Variants in NTM observed in about 807,000 individuals in gnomAD.
The protein encoded by NTM is IgLON family member 2.
In NTM, 13 loss-of-function variants were observed where a neutral mutation model predicts 42.1. The ratio of observed to expected loss-of-function variants is 0.31; its 90% CI spans 0.20 to 0.49. The LOEUF is 0.49. Among genes scored for constraint, NTM ranks in the 20% least tolerant of loss-of-function variants. The pLI is 0.99. For synonymous variants in NTM, 187 were observed against 179.2 expected (o/e 1.04, Z -0.35); for missense variants, 373 against 452.8 (o/e 0.82, Z 1.60).
At chr11:132,073,533 C>T (rs1185009119) in intron 2 of NTM, among the ~76,000 whole-genome samples, 6 of 152,140 alleles carry the variant, frequency 3.9e-5, no homozygotes, top group African/African-American at 1.4e-4. Context: ...AAAAAGATCA[C>T]TGAGGAATAT....
intron 1 of NTM, among the ~76,000 whole-genome samples, chr11:131,373,344 G>A (rs895879647): frequency 6.6e-6 from 1 of 152,054 alleles, no homozygotes; most frequent in African/African-American, 2.4e-5. Flanking sequence ...GTTTTAAGCT[G>A]GTTCTTCCTA....
chr11:131,789,359 A>G (rs2089802734), intron 1 of NTM, among the ~76,000 whole-genome samples: 2 of 147,192 alleles, frequency 1.4e-5, no homozygotes, highest in South Asian at 2.1e-4. Context: ...AAATAATAAT[A>G]ATAATAATAA....
intron 1 of NTM, among the ~76,000 whole-genome samples, chr11:131,441,103 G>T (rs77359811): frequency 1.5e-3 from 228 of 152,172 alleles, no homozygotes; most frequent in East Asian, 0.014. Flanking sequence ...AGTTAATCCA[G>T]TTCTTCAGGC....
intron 4 of NTM, among the ~76,000 whole-genome samples, chr11:132,305,630 C>A (rs957870397): frequency 2.0e-5 from 3 of 152,184 alleles, no homozygotes; most frequent in Non-Finnish European, 4.4e-5. Flanking sequence ...AGGGGAAGAT[C>A]TGACAAATGT....
At chr11:132,215,705 C>G (rs2138743015) in intron 4 of NTM, among the ~76,000 whole-genome samples, 1 of 152,286 alleles carries the variant, frequency 6.6e-6, no homozygotes, top group South Asian at 2.1e-4. Flanking sequence ...GGGCATTATG[C>G]CTTTGTAGTT....
At chr11:131,448,779 C>A (rs192854721) in intron 1 of NTM, among the ~76,000 whole-genome samples, 2 of 152,352 alleles carry the variant, frequency 1.3e-5, no homozygotes, top group Admixed American at 6.5e-5. Context: ...CGGCCCCAAC[C>A]AACAGGCCAG....
chr11:131,397,343 C>G (rs1944674009), intron 1 of NTM, among the ~76,000 whole-genome samples: 1 of 152,030 alleles, frequency 6.6e-6, no homozygotes, highest in African/African-American at 2.4e-5. Flanking sequence ...TCAATTTTAT[C>G]ATTTTACCTT....
chr11:131,808,733 A>G (rs543631173), intron 1 of NTM, among the ~76,000 whole-genome samples: 1 of 152,266 alleles, frequency 6.6e-6, no homozygotes, highest in Admixed American at 6.5e-5. Context: ...AGCTTTGACA[A>G]GTCATCACTG....
intron 3 of NTM, among the ~76,000 whole-genome samples, chr11:132,204,788 G>A (rs1335087565): frequency 2.6e-5 from 4 of 152,154 alleles, no homozygotes; most frequent in Non-Finnish European, 5.9e-5. Context: ...GTGGATGAGA[G>A]AAGGGAGGTC....
At chr11:132,201,201 C>A (rs1488495270) in intron 3 of NTM, among the ~76,000 whole-genome samples, 1 of 152,158 alleles carries the variant, frequency 6.6e-6, no homozygotes, top group East Asian at 1.9e-4. Flanking sequence ...CCAGTGGCAC[C>A]CTCTACCCAT....
chr11:131,729,167 G>A (rs1450763106), intron 1 of NTM, among the ~76,000 whole-genome samples: 1 of 152,132 alleles, frequency 6.6e-6, no homozygotes, highest in East Asian at 1.9e-4. Context: ...TGCTCAAAGG[G>A]ATTGCCAATG....
chr11:131,473,353 A>G (rs1198080034), intron 1 of NTM, among the ~76,000 whole-genome samples: 1 of 152,188 alleles, frequency 6.6e-6, no homozygotes, highest in Non-Finnish European at 1.5e-5. Flanking sequence ...AAGGGAGTCC[A>G]TGAGCAGAAT....
intron 1 of NTM, among the ~76,000 whole-genome samples, chr11:131,597,860 A>G (rs1001992527): frequency 8.1e-6 from 1 of 123,356 alleles, no homozygotes; most frequent in African/African-American, 4.8e-5. Flanking sequence ...TTCACCCAGA[A>G]GAATTCAACA....
At chr11:132,209,706 A>C (rs2082535495) in intron 3 of NTM, among the ~76,000 whole-genome samples, 1 of 152,188 alleles carries the variant, frequency 6.6e-6, no homozygotes, top group African/African-American at 2.4e-5. Context: ...CTTCAGGTTC[A>C]TCTGGACAGC....
At chr11:131,603,065 C>A (rs759736202) in intron 1 of NTM, among the ~76,000 whole-genome samples, 2 of 152,190 alleles carry the variant, frequency 1.3e-5, no homozygotes, top group Non-Finnish European at 2.9e-5. Context: ...CATACAGCAG[C>A]AATTGTGATA....
chr11:131,758,634 C>A, intron 1 of NTM, among the ~76,000 whole-genome samples: 1 of 150,970 alleles, frequency 6.6e-6, no homozygotes, highest in East Asian at 1.9e-4. Context: ...ACTGTGTTGC[C>A]CAGGTTAGAG....
chr11:132,156,047 G>C (rs372273186), intron 3 of NTM, among the ~76,000 whole-genome samples: 17 of 152,218 alleles, frequency 1.1e-4, no homozygotes, highest in African/African-American at 3.6e-4. Flanking sequence ...TTCAGCTCCC[G>C]ACTGTTAGAA....
At chr11:131,397,232 G>T (rs1049487254) in intron 1 of NTM, among the ~76,000 whole-genome samples, 1 of 151,938 alleles carries the variant, frequency 6.6e-6, no homozygotes, top group South Asian at 2.1e-4. Context: ...TTCATGTTAG[G>T]CCTTTGGAAC....
intron 1 of NTM, among the ~76,000 whole-genome samples, chr11:131,847,533 G>T (rs1376442049): frequency 6.6e-6 from 1 of 152,020 alleles, no homozygotes; most frequent in East Asian, 1.9e-4. Flanking sequence ...CTCATTTCAG[G>T]CAGAGCAAAT....
Sources: gnomAD v4.1 joint callset for allele counts (sites outside exome capture counted in the v4.1 genomes callset) on GRCh38, gnomAD v4.1.1 for gene constraint, MANE v1.5 for transcripts, NCBI Gene and HGNC (gene_info 2026-07-23, HGNC 2026-07-21) for gene names.